The following KLHL14 variants were observed in gnomAD, a reference collection of about 807,000 sequenced individuals.
The protein encoded by KLHL14 is kelch like family member 14, also known as kelch-like protein 14.
KLHL14 carries 22 observed loss-of-function variants against 64.3 expected under a neutral mutation model. The observed-to-expected ratio is 0.34, with a 90% CI of 0.24 to 0.49. The LOEUF is 0.49. Ranked by LOEUF, KLHL14 falls within the 20% of genes least tolerant of loss-of-function variation. The pLI is 0.99. For synonymous variants in KLHL14, 322 were observed against 333.4 expected (o/e 0.97, Z 0.37); for missense variants, 661 against 789.0 (o/e 0.84, Z 1.94).
rs1391024 is a variant in KLHL14 at position 32,683,501 on chromosome 18, C to T, written c.1239-2902G>A. Among the ~76,000 whole-genome samples, 1 of 152,142 alleles carries T rather than the reference C, an allele frequency of 6.6e-6. No homozygotes were observed. The highest frequency in any genetic ancestry group is 1.5e-5 in the Non-Finnish European group (1 of 68,032). On this transcript the variant is annotated intron_variant, in intron 5 of 8. Coordinates refer to ENST00000359358, the MANE Select transcript of KLHL14 (RefSeq NM_020805.3). This position sits in a 1 kb window ranked among gnomAD's most constrained non-coding sequence, Gnocchi z 4.2. ...TCTCTTGACAATGCTCCCTGCCCCT[C>T]TTCGCCACATGAAGAACATATAAGG... is the stretch of plus-strand genomic sequence containing the variant.
At chr18:32,735,982 C>T (rs1233810458) in intron 3 of KLHL14, among the ~76,000 whole-genome samples, 1 of 152,148 alleles carries the variant, frequency 6.6e-6, no homozygotes, top group Admixed American at 6.5e-5. Flanking sequence ...AGGAATGACA[C>T]ACAGCAAATT....
chr18:32,704,261 A>G (rs150755456), intron 3 of KLHL14, among the ~76,000 whole-genome samples: 6 of 152,296 alleles, frequency 3.9e-5, no homozygotes, highest in Non-Finnish European at 5.9e-5. Context: ...TGATGGCCCC[A>G]TAGTTGACCC....
rs1365682807 is a variant in KLHL14 at position 32,769,774 on chromosome 18, T to A, written c.818A>T (p.Glu273Val). 6.2e-7 allele frequency: 1 copy of A among 1,609,374 alleles called. No homozygotes were observed. The highest frequency in any genetic ancestry group is 1.7e-5 in the Admixed American group (1 of 59,878). Residue 273 changes from glutamate (E) to valine (V), a missense_variant, in exon 2 of 9, where the codon GAG becomes GTG. Glu to Val is a moderately radical substitution (Grantham distance 121, BLOSUM62 -2). Around this residue, in one of 2 missense-constraint regions of KLHL14, gnomAD observed 330 missense variants for 450.0 expected, o/e 0.73. Transcript: ENST00000359358. Reference protein sequence around the residue: ...RLRFALIPAPELVERVQSVDF... With the variant: ...RLRFALIPAPVLVERVQSVDF... The stretch of plus-strand genomic sequence containing the variant: ...CACTGACTGGACCCGCTCCACCAGC[T>A]CCGGGGCCGGGATGAGGGCGAAGCG...
chr18:32,697,385 T>C (rs2049942065), intron 3 of KLHL14, among the ~76,000 whole-genome samples: 1 of 152,230 alleles, frequency 6.6e-6, no homozygotes, highest in Non-Finnish European at 1.5e-5. Context: ...TAATGTCCTC[T>C]GGCCAGTGGT....
chr18:32,770,251 T>C lies in KLHL14; in HGVS notation c.341A>G (p.Lys114Arg). 6.3e-7 allele frequency: 1 copy of C among 1,597,564 alleles called. No homozygotes were observed. Among genetic ancestry groups the C allele is most frequent in the Non-Finnish European group, 8.5e-7 (1 of 1,169,882 alleles). Reference protein sequence around the residue: ...PGTPSSSPDDKLLTSPRAINN... With the variant: ...PGTPSSSPDDRLLTSPRAINN... ...GATGGCCCGGGGGCTGGTCAGCAGC[T>C]TGTCGTCGGGGGAGGAAGAAGGAGT... Residue 114 changes from lysine to arginine, a missense_variant, in exon 2 of 9, where the codon AAG becomes AGG. Transcript: ENST00000359358. This position sits in a 1 kb window ranked among gnomAD's most constrained non-coding sequence, Gnocchi z 6.7.
intron 2 of KLHL14, among the ~76,000 whole-genome samples, chr18:32,766,621 C>T (rs1458631837): frequency 6.6e-6 from 1 of 152,072 alleles, no homozygotes; most frequent in Non-Finnish European, 1.5e-5. Flanking sequence ...ACTTTATATC[C>T]TTTGTCAATC....
chr18:32,719,509 T>C (rs999612624), intron 3 of KLHL14, among the ~76,000 whole-genome samples: 1 of 152,216 alleles, frequency 6.6e-6, no homozygotes, highest in Admixed American at 6.5e-5. Flanking sequence ...GTCAAACAAG[T>C]TGATGTAATG....
chr18:32,770,875 T>G lies in KLHL14; in HGVS notation c.-43-241A>C, dbSNP rs991964072. The G allele has an allele frequency of 1.0e-4, 49 of 471,098 alleles. No individual in the cohort carries two copies. In the East Asian group the frequency reaches 1.9e-3, roughly 18 times the overall value. 29.2% of individuals were successfully genotyped at this position (471,098 alleles called of 1,614,324 possible). Reference sequence around the variant, plus strand: ...GGGTCCCGGCGCCGGTTCTGCGCCCTGCGGCTCCTCTCGCCACCTCCCACA... The same window carrying G: ...GGGTCCCGGCGCCGGTTCTGCGCCCGGCGGCTCCTCTCGCCACCTCCCACA... On this transcript the variant is annotated intron_variant, in intron 1 of 8. Transcript: ENST00000359358. This position sits in a 1 kb window ranked among gnomAD's most constrained non-coding sequence, Gnocchi z 6.7.
Position 32,702,585 on chromosome 18 carries a change from A to G in KLHL14, c.1070-7033T>C, listed in dbSNP as rs535861287. Among the ~76,000 whole-genome samples the G allele has an allele frequency of 8.6e-4, 130 of 151,892 alleles. 1 individual carries two copies. Among genetic ancestry groups the G allele is most frequent in the Non-Finnish European group, 1.4e-3 (93 of 67,928 alleles). On this transcript the variant is annotated intron_variant, in intron 3 of 8. Coordinates refer to ENST00000359358, the MANE Select transcript of KLHL14 (RefSeq NM_020805.3). ...TATTGAATAAATAATTTAAGATATTATTAAATAAATAAATAGGAAAAAGCT... is the reference window on the plus strand; with the variant it reads ...TATTGAATAAATAATTTAAGATATTGTTAAATAAATAAATAGGAAAAAGCT...
chr18:32,711,922 T>C (rs974606763), intron 3 of KLHL14, among the ~76,000 whole-genome samples: 1 of 152,236 alleles, frequency 6.6e-6, no homozygotes, highest in Admixed American at 6.5e-5. Context: ...TAAATTTACA[T>C]CGCTATGTGA....
At position 32,770,334 on chromosome 18, in the gene KLHL14, C is replaced by A; in HGVS notation, c.258G>T (p.Gln86His). The change falls in exon 2 of 9, where the codon CAG becomes CAT. Residue 86 changes from glutamine to histidine, a missense_variant. Gln to His is a conservative substitution (Grantham distance 24). Transcript: ENST00000359358. This position sits in a 1 kb window ranked among gnomAD's most constrained non-coding sequence, Gnocchi z 6.7. ...DGLGAPKDQQ[Q>H]PPQQQPSQQQ... is the part of the protein sequence containing the mutation. ...GCTGTGACGGCTGCTGCTGCGGCGG[C>A]TGCTGCTGGTCCTTGGGGGCCCCCA... 1 of 1,584,268 alleles carries A rather than the reference C, an allele frequency of 6.3e-7. No individual in the cohort carries two copies. The highest frequency in any genetic ancestry group is 8.6e-7 in the Non-Finnish European group (1 of 1,165,700).
In KLHL14 at chr18:32,736,622, G is replaced by C. The variant is rs1019465113; in HGVS notation, c.1069+5306C>G. On this transcript the variant is annotated intron_variant, in intron 3 of 8. Coordinates refer to ENST00000359358, the MANE Select transcript of KLHL14 (RefSeq NM_020805.3). ...CCTTGAAATAGTCTCCATGTGATAT[G>C]GTTCTTGGTTAATTCTGCAGCCCCA... 4.6e-5 allele frequency among the ~76,000 whole-genome samples: 7 copies of C among 151,996 alleles called. No individual in the cohort carries two copies. In the South Asian group the frequency reaches 1.5e-3, roughly 32 times the overall value.
intron 3 of KLHL14, among the ~76,000 whole-genome samples, chr18:32,722,662 C>T (rs945022539): frequency 6.6e-6 from 1 of 152,136 alleles, no homozygotes; most frequent in Non-Finnish European, 1.5e-5. Flanking sequence ...AAAAAAACAG[C>T]AATCCATCTT....
chr18:32,686,138 G>C (rs1437961820), intron 5 of KLHL14, among the ~76,000 whole-genome samples: 1 of 149,798 alleles, frequency 6.7e-6, no homozygotes, highest in African/African-American at 2.5e-5. Context: ...CAGCCTCCCA[G>C]GTAGCTGGGA....
intron 3 of KLHL14, among the ~76,000 whole-genome samples, chr18:32,734,812 C>T (rs2050155497): frequency 6.6e-6 from 1 of 152,008 alleles, no homozygotes; most frequent in African/African-American, 2.4e-5. Flanking sequence ...AAGCAGTTTC[C>T]CAGAGTCACA....
chr18:32,759,710 TC>T (rs1426047747), intron 2 of KLHL14, among the ~76,000 whole-genome samples: 4 of 151,924 alleles, frequency 2.6e-5, no homozygotes, highest in African/African-American at 9.7e-5. Flanking sequence ...TCTCTCTCTC[TC>T]TCTCTCTCTC....
chr18:32,704,448 C>G (rs1297970153), intron 3 of KLHL14, among the ~76,000 whole-genome samples: 2 of 152,128 alleles, frequency 1.3e-5, no homozygotes, highest in Non-Finnish European at 2.9e-5. Flanking sequence ...TTGGGCCAGG[C>G]ACAGTGGCTC....
rs1320674364 is a variant in KLHL14, at chr18:32,693,411, CACAGAGAGAGAG to C, written c.1159+2040_1159+2051del. On this transcript the variant is annotated intron_variant, in intron 4 of 8. Coordinates refer to ENST00000359358, the MANE Select transcript of KLHL14 (RefSeq NM_020805.3). Reference sequence around the variant, plus strand: ...ACACACACACACACACACACACACACACAGAGAGAGAGAGAGAGAGAGAGAGAGAGAGAGAGA... The same window carrying C: ...ACACACACACACACACACACACACACAGAGAGAGAGAGAGAGAGAGAGAGA... 6.8e-3 allele frequency among the ~76,000 whole-genome samples: 769 copies of C among 112,958 alleles called. 2 individuals carry two copies. Among genetic ancestry groups the C allele is most frequent in the Non-Finnish European group, 0.01 (582 of 56,030 alleles). The allele number at this position is 112,958 out of a possible 152,430, so 74.1% of individuals were successfully genotyped here.
chr18:32,750,042 A>C (rs2050243427), intron 2 of KLHL14, among the ~76,000 whole-genome samples: 1 of 151,718 alleles, frequency 6.6e-6, no homozygotes, highest in Non-Finnish European at 1.5e-5. Flanking sequence ...GCAATGAGAG[A>C]GAGAGAGAGG....
Sources: allele counts gnomAD v4.1 joint callset (sites outside exome capture counted in the v4.1 genomes callset), GRCh38; gene constraint gnomAD v4.1.1; regional missense constraint gnomAD v4.1.1; non-coding constraint Gnocchi (gnomAD v3.1); transcripts MANE v1.5; gene names NCBI Gene and HGNC (gene_info 2026-07-23, HGNC 2026-07-21).